The following NEDD9 variants were observed in gnomAD, a reference collection of about 807,000 sequenced individuals.
NEDD9 encodes neural precursor cell expressed, developmentally down-regulated 9.
Under a neutral mutation model 76.6 loss-of-function variants are expected in NEDD9, and 26 were observed. The ratio of observed to expected loss-of-function variants is 0.34; its 90% CI spans 0.25 to 0.47. The LOEUF (loss-of-function observed/expected upper bound fraction) is 0.47. Among genes scored for constraint, NEDD9 ranks in the 20% least tolerant of loss-of-function variants. The probability of loss-of-function intolerance (pLI) is 1.00; values close to 1 mark genes in which losing one functional copy is unlikely to be tolerated. For missense variants in NEDD9, 937 were observed against 1,058.5 expected, an observed-to-expected ratio of 0.89 and a Z score of 1.59; for synonymous variants, 392 against 414.2, an observed-to-expected ratio of 0.95 and a Z score of 0.65.
chr6:11,307,861 C>A (rs1761236869), intron 2 of NEDD9, among the ~76,000 whole-genome samples: 1 of 152,102 alleles, frequency 6.6e-6, no homozygotes, highest in African/African-American at 2.4e-5. Flanking sequence ...TTACCCCATG[C>A]ACCGGGGTCT....
intron 1 of NEDD9, among the ~76,000 whole-genome samples, chr6:11,357,998 T>C (rs1013725738): frequency 2.6e-5 from 4 of 151,994 alleles, no homozygotes; most frequent in African/African-American, 4.8e-5. Flanking sequence ...GCCTGTAATC[T>C]CAGCACTTTG....
chr6:11,312,692 TTATA>T (rs111434917), intron 2 of NEDD9, among the ~76,000 whole-genome samples: 5,200 of 65,898 alleles, frequency 0.079, 309 homozygotes, highest in African/African-American at 0.19. Context: ...ATTATATATA[TTATA>T]TATATATATA....
intron 1 of NEDD9, among the ~76,000 whole-genome samples, chr6:11,353,997 G>A (rs1271767479): frequency 1.3e-5 from 2 of 152,090 alleles, no homozygotes; most frequent in Non-Finnish European, 2.9e-5. Flanking sequence ...CTAAGATTTC[G>A]GCTTGAACAA....
At chr6:11,227,717 G>GGCAAT (rs891825568) in intron 1 of NEDD9, among the ~76,000 whole-genome samples, 1 of 152,180 alleles carries the variant, frequency 6.6e-6, no homozygotes, top group African/African-American at 2.4e-5. Flanking sequence ...AGGCCCAGTA[G>GGCAAT]GCAACCTATC....
At chr6:11,351,401 G>A (rs1189167666) in intron 1 of NEDD9, among the ~76,000 whole-genome samples, 1 of 152,108 alleles carries the variant, frequency 6.6e-6, no homozygotes, top group Non-Finnish European at 1.5e-5. Flanking sequence ...TGGGGTTCAG[G>A]ACATATTGCC....
chr6:11,345,547 C>T (rs781257296), intron 1 of NEDD9, among the ~76,000 whole-genome samples: 29 of 152,158 alleles, frequency 1.9e-4, no homozygotes, highest in Non-Finnish European at 4.3e-4. Flanking sequence ...CCAGGATCTC[C>T]GCACATCCCT....
chr6:11,364,164 A>T (rs896691176), intron 1 of NEDD9, among the ~76,000 whole-genome samples: 1 of 152,222 alleles, frequency 6.6e-6, no homozygotes, highest in Non-Finnish European at 1.5e-5. Flanking sequence ...TGTCTAAGTG[A>T]CCAGCTCCAA....
At chr6:11,212,715 C>A (rs1452122941) in intron 2 of NEDD9, among the ~76,000 whole-genome samples, 1 of 152,128 alleles carries the variant, frequency 6.6e-6, no homozygotes, top group Non-Finnish European at 1.5e-5. Context: ...ATTCCAATTC[C>A]ACTAGTATCT....
intron 3 of NEDD9, chr6:11,305,892 C>CA (rs200863222): frequency 0.011 from 15,512 of 1,425,956 alleles, 102 homozygotes; most frequent in Middle Eastern, 0.014. Context: ...GCCCGTATGA[C>CA]AAAAAAACAT....
intron 5 of NEDD9, among the ~76,000 whole-genome samples, chr6:11,189,616 C>G (rs1184401631): frequency 6.6e-6 from 1 of 152,080 alleles, no homozygotes; most frequent in Non-Finnish European, 1.5e-5. Context: ...ATTAGAGGGC[C>G]TATTATCCTA....
At chr6:11,277,911 C>T (rs993552085) in intron 3 of NEDD9, among the ~76,000 whole-genome samples, 1 of 152,052 alleles carries the variant, frequency 6.6e-6, no homozygotes, top group African/African-American at 2.4e-5. Context: ...GATTCATTCT[C>T]TTTCTTCCTT....
intron 1 of NEDD9, among the ~76,000 whole-genome samples, chr6:11,376,014 C>T (rs1259967449): frequency 5.3e-5 from 8 of 152,224 alleles, no homozygotes; most frequent in African/African-American, 1.2e-4. Flanking sequence ...TTAGTAGAGA[C>T]GGGCTTTCAC....
At position 11,259,211 on chromosome 6, in the gene NEDD9, T is replaced by A. The variant is rs547778479; in HGVS notation, c.13-45484A>T. 2.6e-5 allele frequency: 4 copies of A among 152,314 alleles called. No homozygotes were observed. In the South Asian group the frequency reaches 8.3e-4, roughly 32 times the overall value. The allele number at this position is 152,314 out of a possible 1,614,324, so 9.4% of individuals were successfully genotyped here. On this transcript the variant is annotated intron_variant, in intron 3 of 3. Transcript: ENST00000397378. ...TTGCAGGGAGTGTTGTTTTGGCAAG[T>A]GAAGGTATCTTGGAGTGTACCCTCC...
intron 2 of NEDD9, among the ~76,000 whole-genome samples, chr6:11,204,669 G>A (rs3778171): frequency 0.21 from 29,599 of 138,740 alleles, 3,252 homozygotes; most frequent in African/African-American, 0.27. Flanking sequence ...GTGGTGAGCC[G>A]AGATTGTGCC....
chr6:11,296,548 G>T (rs1349880259), intron 3 of NEDD9, among the ~76,000 whole-genome samples: 7 of 152,194 alleles, frequency 4.6e-5, no homozygotes, highest in African/African-American at 1.4e-4. Flanking sequence ...AATACACGGT[G>T]TGGATAAGTA....
chr6:11,270,080 G>A (rs1581991611), intron 3 of NEDD9, among the ~76,000 whole-genome samples: 1 of 152,208 alleles, frequency 6.6e-6, no homozygotes, highest in East Asian at 1.9e-4. Flanking sequence ...AGTGAGCCGA[G>A]ATCGCATCAC....
intron 1 of NEDD9, among the ~76,000 whole-genome samples, chr6:11,349,551 A>C (rs1483538881): frequency 6.6e-6 from 1 of 152,276 alleles, no homozygotes; most frequent in African/African-American, 2.4e-5. Context: ...CTGGATAAAG[A>C]AAATGTGGTA....
rs200336412 is a variant in NEDD9 at position 11,268,746 on chromosome 6, GAC to G, written c.12+37244_12+37245del. ...TCCATCACACACACACACACACACA[GAC>G]ACACACACACACACACACACACAAC... is the stretch of plus-strand genomic sequence containing the variant. On this transcript the variant is annotated intron_variant, in intron 3 of 3. Transcript: ENST00000397378. Among the ~76,000 whole-genome samples the G allele has an allele frequency of 0.017, 2,360 of 136,332 alleles. 82 individuals carry two copies. The East Asian group carries it at 0.18, about 10-fold the overall frequency. The allele number at this position is 136,332 out of a possible 152,430, so 89.4% of individuals were successfully genotyped here.
In NEDD9 at chr6:11,200,148, T is replaced by C. The variant is rs190939093; in HGVS notation, c.460-6456A>G. ...CTGTGCTGGGTTTTCTACAGCTTCT[T>C]TGGGTAAGGGGGAACATTGGACTAT... On this transcript the variant is annotated intron_variant, in intron 2 of 6. Coordinates refer to ENST00000379446, the MANE Select transcript of NEDD9 (RefSeq NM_006403.4). 1.4e-5 allele frequency: 3 copies of C among 220,134 alleles called. No individual in the cohort carries two copies. In the East Asian group the frequency reaches 4.0e-4, roughly 29 times the overall value. 13.6% of individuals were successfully genotyped at this position (220,134 alleles called of 1,614,324 possible). A position where few individuals can be genotyped will look rare whatever the true frequency, so the allele number is the denominator to read the frequency against.
Sources: gnomAD v4.1 joint callset for allele counts (sites outside exome capture counted in the v4.1 genomes callset) on GRCh38, gnomAD v4.1.1 for gene constraint, MANE v1.5 for transcripts, NCBI Gene and HGNC (gene_info 2026-07-23, HGNC 2026-07-21) for gene names.